ZCCHC17: variants seen among roughly 807,000 people sequenced by gnomAD.
ZCCHC17 encodes the protein zinc finger CCHC-type containing 17.
In ZCCHC17, 18 loss-of-function variants were observed where a neutral mutation model predicts 30.6. The observed-to-expected ratio is 0.59, with a 90% confidence interval of 0.41 to 0.87. ZCCHC17 has a LOEUF of 0.87. ZCCHC17 is among the 40% of genes least tolerant of loss of function. The pLI is 0.00. For missense variants in ZCCHC17, 263 were observed against 284.2 expected (o/e 0.93, Z 0.54); for synonymous variants, 88 against 92.4 (o/e 0.95, Z 0.27).
Position 31,364,122 on chromosome 1 carries a change from A to T in ZCCHC17, c.655A>T (p.Thr219Ser). 6.2e-7 allele frequency: 1 copy of T among 1,613,964 alleles called. No individual in the cohort carries two copies. Among genetic ancestry groups the T allele is most frequent in the Non-Finnish European group, 8.5e-7 (1 of 1,179,904 alleles). ...TGATACAGGCAAGAGGGCAAGGCAC[A>T]CATCAAAAGACAGCAAGGCAGCAAA... ...ESDTGKRARHTSKDSKAAKKK... is the reference protein window; with the variant it reads ...ESDTGKRARHSSKDSKAAKKK... The change falls in exon 8 of 8, where the codon ACA (threonine) becomes TCA (serine). Residue 219 changes from threonine (T) to serine (S), a missense_variant. By Grantham distance (58) the Thr-to-Ser change is moderately conservative. Coordinates refer to ENST00000344147, the MANE Select transcript of ZCCHC17 (RefSeq NM_016505.4).
intron 3 of ZCCHC17, among the ~76,000 whole-genome samples, chr1:31,321,428 C>G (rs1646857677): frequency 6.6e-6 from 1 of 152,198 alleles, no homozygotes; most frequent in African/African-American, 2.4e-5. Context: ...TGGTAAATTA[C>G]CCAGTCTCGT....
chr1:31,317,580 G>C (rs1469676115), intron 2 of ZCCHC17, among the ~76,000 whole-genome samples: 1 of 152,124 alleles, frequency 6.6e-6, no homozygotes, highest in Non-Finnish European at 1.5e-5. Context: ...AGGATTAGAA[G>C]CCACATCTTT....
chr1:31,329,046 G>T (rs1177066279), intron 3 of ZCCHC17, among the ~76,000 whole-genome samples: 1 of 152,054 alleles, frequency 6.6e-6, no homozygotes, highest in Non-Finnish European at 1.5e-5. Context: ...TGGTCTTTCT[G>T]GTGACTAGTC....
chr1:31,362,584 A>C (rs1252381379), intron 7 of ZCCHC17, among the ~76,000 whole-genome samples: 1 of 152,110 alleles, frequency 6.6e-6, no homozygotes, highest in Non-Finnish European at 1.5e-5. Context: ...TTTCTTTATG[A>C]GTATAATCTT....
At chr1:31,317,507 G>A (rs1646765051) in intron 2 of ZCCHC17, among the ~76,000 whole-genome samples, 1 of 152,206 alleles carries the variant, frequency 6.6e-6, no homozygotes, top group Admixed American at 6.5e-5. Context: ...GAGAACAAAT[G>A]GGAACTTAGG....
intron 2 of ZCCHC17, among the ~76,000 whole-genome samples, chr1:31,312,475 C>T (rs2148417729): frequency 7.4e-6 from 1 of 135,754 alleles, no homozygotes; most frequent in East Asian, 2.2e-4. Flanking sequence ...GGCTTTGAAA[C>T]CAGACAAAAT....
intron 7 of ZCCHC17, among the ~76,000 whole-genome samples, chr1:31,350,954 T>C (rs199968514): frequency 1.3e-5 from 2 of 152,272 alleles, no homozygotes; most frequent in African/African-American, 2.4e-5. Context: ...TTGATGACAA[T>C]GTTCTTGCAG....
intron 1 of ZCCHC17, among the ~76,000 whole-genome samples, chr1:31,302,237 G>GA (rs1215943323): frequency 6.6e-6 from 1 of 151,850 alleles, no homozygotes; most frequent in Non-Finnish European, 1.5e-5. Flanking sequence ...TAAAAAAAAA[G>GA]AAAAAAGAAG....
chr1:31,327,266 C>T (rs1283749511), intron 3 of ZCCHC17, among the ~76,000 whole-genome samples: 1 of 151,940 alleles, frequency 6.6e-6, no homozygotes, highest in African/African-American at 2.4e-5. Flanking sequence ...GGGACTCAGT[C>T]CCACAAAATT....
At chr1:31,355,597 C>A (rs958487002) in intron 7 of ZCCHC17, among the ~76,000 whole-genome samples, 2 of 152,140 alleles carry the variant, frequency 1.3e-5, no homozygotes, top group Non-Finnish European at 2.9e-5. Context: ...TAACAATATT[C>A]TTTTCTGTAT....
At chr1:31,304,210 T>A (rs1646388457) in intron 1 of ZCCHC17, among the ~76,000 whole-genome samples, 1 of 152,176 alleles carries the variant, frequency 6.6e-6, no homozygotes, top group South Asian at 2.1e-4. Flanking sequence ...ACTTACTGGC[T>A]CTTTTAAGTG....
At position 31,348,936 on chromosome 1, in the gene ZCCHC17, C is replaced by T. The variant is rs1380052276; in HGVS notation, c.526C>T (p.Pro176Ser). ...EEAKSAEFEK[P>S]DPTRNPSRKR... ...GGCAAAGTCAGCAGAGTTTGAGAAG[C>T]CTGACCCTACAAGGAATCCTTCTAG... Residue 176 changes from proline to serine, a missense_variant, in exon 7 of 8, where the codon CCT (proline) becomes TCT (serine). Transcript: ENST00000344147. 2 of 1,605,020 alleles carry T rather than the reference C, an allele frequency of 1.2e-6. No individual in the cohort carries two copies. Among genetic ancestry groups the T allele is most frequent in the Non-Finnish European group, 1.7e-6 (2 of 1,177,450 alleles).
intron 7 of ZCCHC17, among the ~76,000 whole-genome samples, chr1:31,353,753 C>T (rs544270730): frequency 6.6e-6 from 1 of 152,250 alleles, no homozygotes; most frequent in African/African-American, 2.4e-5. Flanking sequence ...TCCTTTTCCC[C>T]ACTGAATGGT....
chr1:31,349,133 T>G (rs1056025927), intron 7 of ZCCHC17, among the ~76,000 whole-genome samples, 159 bp downstream of exon 7: 4 of 152,052 alleles, frequency 2.6e-5, no homozygotes, highest in African/African-American at 4.8e-5. Context: ...TGCGGTGCGC[T>G]ATGATTATGC....
Position 31,327,800 on chromosome 1 carries a change from T to A in ZCCHC17, c.124+8634T>A, listed in dbSNP as rs141433322. 3.4e-3 allele frequency among the ~76,000 whole-genome samples: 523 copies of A among 152,226 alleles called. 4 individuals are homozygous for A. In the Middle Eastern group the frequency reaches 0.044, roughly 13 times the overall value. ...TTCCTTTAAGTCAAAAGGTAAAAGT[T>A]CTCAACTTAATAAGGGAAAAACAGG... is the stretch of plus-strand genomic sequence containing the variant. On this transcript the variant is annotated intron_variant, in intron 3 of 7. Transcript: ENST00000344147.
At chr1:31,304,029 T>C (rs1052707330) in intron 1 of ZCCHC17, among the ~76,000 whole-genome samples, 1 of 152,200 alleles carries the variant, frequency 6.6e-6, no homozygotes, top group Non-Finnish European at 1.5e-5. Context: ...TTTACTTCCA[T>C]CCCATACTTT....
chr1:31,362,100 G>A (rs1411369057), intron 7 of ZCCHC17, among the ~76,000 whole-genome samples: 3 of 152,266 alleles, frequency 2.0e-5, no homozygotes, highest in East Asian at 1.9e-4. Context: ...ATGAGCCACC[G>A]CGCCCAGCCA....
At chr1:31,337,859 A>G (rs997603345) in intron 4 of ZCCHC17, among the ~76,000 whole-genome samples, 7 of 152,250 alleles carry the variant, frequency 4.6e-5, no homozygotes, top group Admixed American at 2.6e-4. Context: ...AAGAACTATT[A>G]TTCAACAATA....
intron 1 of ZCCHC17, among the ~76,000 whole-genome samples, chr1:31,299,670 T>G (rs1430801176): frequency 1.3e-5 from 2 of 152,214 alleles, no homozygotes. Flanking sequence ...AAGGTGGTAT[T>G]ATTTTGTGGG....
Sources: gnomAD v4.1 joint callset for allele counts (sites outside exome capture counted in the v4.1 genomes callset) on GRCh38, gnomAD v4.1.1 for gene constraint, MANE v1.5 for transcripts, NCBI Gene and HGNC (gene_info 2026-07-23, HGNC 2026-07-21) for gene names.